CASQ2: variants seen among roughly 807,000 people sequenced by gnomAD.
CASQ2 encodes calsequestrin 2.
In CASQ2, 49 loss-of-function variants were observed where a neutral mutation model predicts 46.5. That is an observed-to-expected ratio of 1.05 (90% CI 0.84 to 1.34). The LOEUF (loss-of-function observed/expected upper bound fraction) is 1.34. CASQ2 is among the 40% of genes most tolerant of loss of function. The probability of loss-of-function intolerance (pLI) is 0.00; values close to 1 mark genes in which losing one functional copy is unlikely to be tolerated. For synonymous variants in CASQ2, 174 were observed against 168.5 expected, an observed-to-expected ratio of 1.03 and a Z score of -0.25; for missense variants, 486 against 481.3, an observed-to-expected ratio of 1.01 and a Z score of -0.09.
intron 4 of CASQ2, among the ~76,000 whole-genome samples, chr1:115,733,506 T>C (rs995386186): frequency 6.6e-6 from 1 of 152,226 alleles, no homozygotes; most frequent in Non-Finnish European, 1.5e-5. Flanking sequence ...TTTTTCATTT[T>C]AAAGTTTTCT....
At chr1:115,723,401 T>C (rs1647461167) in intron 7 of CASQ2, among the ~76,000 whole-genome samples, 1 of 152,180 alleles carries the variant, frequency 6.6e-6, no homozygotes, top group South Asian at 2.1e-4. Flanking sequence ...GAGATCTAGG[T>C]GAAGAGATAT....
intron 4 of CASQ2, among the ~76,000 whole-genome samples, chr1:115,733,795 G>A (rs1647869001): frequency 6.6e-6 from 1 of 152,208 alleles, no homozygotes; most frequent in African/African-American, 2.4e-5. Flanking sequence ...AACAAGATTA[G>A]CTTCTTTCCA....
intron 1 of CASQ2, among the ~76,000 whole-genome samples, chr1:115,759,864 G>T (rs192937866): frequency 1.3e-5 from 2 of 152,132 alleles, no homozygotes; most frequent in African/African-American, 4.8e-5. Flanking sequence ...CCAAATAGAC[G>T]CATGTCTTCT....
rs559695460 is a variant in CASQ2, at chr1:115,710,895, A to T, written c.839-5603T>A. 7.2e-5 allele frequency among the ~76,000 whole-genome samples: 11 copies of T among 152,226 alleles called. No individual in the cohort carries two copies. In the South Asian group the frequency reaches 2.3e-3, roughly 32 times the overall value. ...CCTCTGGGAATCACATCTTTGTGGG[A>T]GGAGAAACTGGTGATTATCCTCTTC... On this transcript the variant is annotated intron_variant, in intron 8 of 10. Transcript: ENST00000261448.
chr1:115,718,374 C>T (rs892901966), intron 7 of CASQ2, among the ~76,000 whole-genome samples: 2 of 152,198 alleles, frequency 1.3e-5, no homozygotes, highest in African/African-American at 4.8e-5. Flanking sequence ...ATTATGGAGG[C>T]TTCTGAATGC....
chr1:115,757,798 T>A (rs925491048), intron 1 of CASQ2, among the ~76,000 whole-genome samples: 8 of 152,348 alleles, frequency 5.3e-5, no homozygotes, highest in African/African-American at 1.9e-4. Flanking sequence ...ATTCAACCTC[T>A]TTACAATTGT....
intron 8 of CASQ2, among the ~76,000 whole-genome samples, chr1:115,711,638 T>G (rs1454895796): frequency 6.8e-6 from 1 of 147,024 alleles, no homozygotes; most frequent in Non-Finnish European, 1.5e-5. Flanking sequence ...ATGGGAAGGG[T>G]TTTTGTTTGT....
chr1:115,757,403 C>T (rs983241307), intron 1 of CASQ2, among the ~76,000 whole-genome samples: 2 of 152,154 alleles, frequency 1.3e-5, no homozygotes, highest in Non-Finnish European at 2.9e-5. Context: ...TAAGTCTGAC[C>T]TCATCTAATT....
At chr1:115,709,236 G>A (rs1281253073) in intron 8 of CASQ2, among the ~76,000 whole-genome samples, 1 of 152,156 alleles carries the variant, frequency 6.6e-6, no homozygotes, top group Non-Finnish European at 1.5e-5. Context: ...AAACTGGCAA[G>A]TCCCCTGGAA....
intron 1 of CASQ2, among the ~76,000 whole-genome samples, chr1:115,746,802 A>T (rs1452174723): frequency 6.6e-6 from 1 of 152,140 alleles, no homozygotes; most frequent in Non-Finnish European, 1.5e-5. Context: ...GATTTGACAA[A>T]TAATAATTGT....
intron 5 of CASQ2, among the ~76,000 whole-genome samples, chr1:115,729,240 G>A (rs867912677): frequency 6.6e-6 from 1 of 151,790 alleles, no homozygotes; most frequent in Admixed American, 6.6e-5. Flanking sequence ...AGTAGAGATG[G>A]GGTTTCGCCA....
At chr1:115,701,853 A>G (rs1654214380) in intron 10 of CASQ2, among the ~76,000 whole-genome samples, 2 of 152,210 alleles carry the variant, frequency 1.3e-5, no homozygotes, top group Non-Finnish European at 1.5e-5. Context: ...AAATAAATGA[A>G]TGTAGAGTTC....
Position 115,727,824 on chromosome 1 carries a change from A to G in CASQ2, c.607-702T>C, listed in dbSNP as rs1036690692. 9.8e-5 allele frequency among the ~76,000 whole-genome samples: 15 copies of G among 152,344 alleles called. 1 individual carries two copies. Among genetic ancestry groups the G allele is most frequent in the East Asian group, 7.7e-4 (4 of 5,188 alleles). The stretch of plus-strand genomic sequence containing the variant: ...CCCAGTAAGCCAGGATGATTTGCTC[A>G]TCTTACAACAGATAAAGAGCTCGGA... On this transcript the variant is annotated intron_variant, in intron 5 of 10. Transcript: ENST00000261448.
In CASQ2 at chr1:115,726,561, G is replaced by A. The variant is rs955720321; in HGVS notation, c.737+431C>T. Among the ~76,000 whole-genome samples the A allele has an allele frequency of 3.3e-5, 5 of 152,160 alleles. No homozygotes were observed. The East Asian group carries it at 9.6e-4, about 29-fold the overall frequency. On this transcript the variant is annotated intron_variant, in intron 6 of 10. Coordinates refer to ENST00000261448, the MANE Select transcript of CASQ2 (RefSeq NM_001232.4). ...TTCTATGCATAGAGTGTTCATCCTT[G>A]GCTAAGTTACTTAACTATTGAGTCC...
chr1:115,759,855 C>A (rs1448049372), intron 1 of CASQ2, among the ~76,000 whole-genome samples: 1 of 152,184 alleles, frequency 6.6e-6, no homozygotes, highest in Non-Finnish European at 1.5e-5. Context: ...CCACAGCAAC[C>A]AAATAGACGC....
At chr1:115,704,628 T>C (rs1030002087) in intron 9 of CASQ2, among the ~76,000 whole-genome samples, 3 of 152,162 alleles carry the variant, frequency 2.0e-5, no homozygotes, top group African/African-American at 7.2e-5. Flanking sequence ...AAAAACTAAG[T>C]ATAATCAAAA....
intron 1 of CASQ2, among the ~76,000 whole-genome samples, chr1:115,767,646 G>C (rs1649176900): frequency 6.6e-6 from 1 of 152,162 alleles, no homozygotes; most frequent in South Asian, 2.1e-4. Flanking sequence ...ATGGGCCCCA[G>C]TGCCAGGTTA....
chr1:115,751,312 G>A (rs1324836256), intron 1 of CASQ2, among the ~76,000 whole-genome samples: 1 of 152,204 alleles, frequency 6.6e-6, no homozygotes, highest in African/African-American at 2.4e-5. Flanking sequence ...TAACAAAAAT[G>A]TGTAAGACAC....
intron 2 of CASQ2, among the ~76,000 whole-genome samples, chr1:115,743,232 T>C (rs9428209): frequency 0.72 from 105,303 of 147,272 alleles, 41,099 homozygotes; most frequent in Non-Finnish European, 0.88. Flanking sequence ...TTTATTTATT[T>C]ATTCATTCAT....
Sources: gnomAD v4.1 joint callset for allele counts (sites outside exome capture counted in the v4.1 genomes callset) on GRCh38, gnomAD v4.1.1 for gene constraint, MANE v1.5 for transcripts, NCBI Gene and HGNC (gene_info 2026-07-23, HGNC 2026-07-21) for gene names.